DAB1: variants seen among roughly 807,000 people sequenced by gnomAD.
DAB1 encodes the protein DAB adaptor protein 1, also known as disabled homolog 1.
A neutral mutation model predicts 64.6 loss-of-function variants in DAB1; 15 were observed. That is an observed-to-expected ratio of 0.23 (90% CI 0.16 to 0.36). The LOEUF is 0.36. Ranked by LOEUF, DAB1 falls within the 10% of genes least tolerant of loss-of-function variation. The pLI is 1.00. For missense variants in DAB1, 596 were observed against 706.7 expected, an observed-to-expected ratio of 0.84 and a Z score of 1.78; for synonymous variants, 235 against 251.9, an observed-to-expected ratio of 0.93 and a Z score of 0.64.
intron 1 of DAB1, among the ~76,000 whole-genome samples, chr1:57,322,068 G>A (rs1436162430): frequency 6.6e-6 from 1 of 152,118 alleles, no homozygotes; most frequent in Non-Finnish European, 1.5e-5. Context: ...ATGTCCTGTG[G>A]AGCAGCACAG....
chr1:58,125,169 T>C (rs993155746), intron 5 of DAB1, among the ~76,000 whole-genome samples: 1 of 152,126 alleles, frequency 6.6e-6, no homozygotes, highest in East Asian at 1.9e-4. Flanking sequence ...GAAAATTCAA[T>C]GGTCTTGAAA....
At chr1:58,325,884 C>A (rs540846020) in intron 4 of DAB1, among the ~76,000 whole-genome samples, 6 of 151,962 alleles carry the variant, frequency 3.9e-5, no homozygotes, top group African/African-American at 1.5e-4. Context: ...TTTATTGATC[C>A]AAGTGGAAGT....
intron 7 of DAB1, among the ~76,000 whole-genome samples, chr1:57,547,771 C>T (rs1469619034): frequency 1.3e-5 from 2 of 152,098 alleles, no homozygotes; most frequent in Non-Finnish European, 2.9e-5. Flanking sequence ...TTATTTTGAA[C>T]AAATGCATCA....
At chr1:57,912,793 C>T (rs903815188) in intron 5 of DAB1, among the ~76,000 whole-genome samples, 7 of 152,232 alleles carry the variant, frequency 4.6e-5, no homozygotes, top group African/African-American at 7.2e-5. Context: ...TTCTTATACA[C>T]CAATAACAGA....
Position 58,138,887 on chromosome 1 carries a change from G to GA in DAB1, n.387+11623dup, listed in dbSNP as rs1654105814. On this transcript the variant is annotated intron_variant and non_coding_transcript_variant, in intron 5 of 20. Transcript: ENST00000485760. ...TGGATGAGTGAGAACTAAAAAAATT[G>GA]ATGAGTGGGTGAATAGGTAAATGGA... is the stretch of plus-strand genomic sequence containing the variant. Among the ~76,000 whole-genome samples the GA allele has an allele frequency of 2.0e-5, 3 of 152,158 alleles. No individual in the cohort carries two copies. The South Asian group carries it at 6.2e-4, about 32-fold the overall frequency.
chr1:57,041,991 G>T (rs1381098730), intron 9 of DAB1, among the ~76,000 whole-genome samples: 1 of 152,068 alleles, frequency 6.6e-6, no homozygotes, highest in African/African-American at 2.4e-5. Context: ...ACTCCACCAT[G>T]GTTCCTCTCA....
intron 5 of DAB1, among the ~76,000 whole-genome samples, chr1:57,987,266 C>T (rs1370304269): frequency 1.3e-5 from 2 of 152,170 alleles, no homozygotes; most frequent in Non-Finnish European, 2.9e-5. Flanking sequence ...CAATTCTTCC[C>T]AGCCACATAG....
At chr1:57,367,317 A>G (rs1680140339) in intron 1 of DAB1, among the ~76,000 whole-genome samples, 1 of 151,970 alleles carries the variant, frequency 6.6e-6, no homozygotes, top group Non-Finnish European at 1.5e-5. Context: ...ACTCTGAAAA[A>G]AGTAAGAGTT....
At chr1:57,844,590 C>A (rs1653195101) in intron 1 of DAB1, among the ~76,000 whole-genome samples, 1 of 152,188 alleles carries the variant, frequency 6.6e-6, no homozygotes, top group African/African-American at 2.4e-5. Flanking sequence ...TCACTTATCC[C>A]ATATTCCCAT....
intron 1 of DAB1, among the ~76,000 whole-genome samples, chr1:57,409,093 C>T (rs556200703): frequency 6.6e-6 from 1 of 152,310 alleles, no homozygotes; most frequent in African/African-American, 2.4e-5. Context: ...CTCTTCTATG[C>T]TTCCGGCAGC....
intron 4 of DAB1, among the ~76,000 whole-genome samples, chr1:58,331,706 TAAC>T (rs771526633): frequency 3.2e-4 from 49 of 152,218 alleles, no homozygotes; most frequent in Admixed American, 7.8e-4. Context: ...TAACAGTTCT[TAAC>T]AACAAGTATT....
intron 4 of DAB1, among the ~76,000 whole-genome samples, chr1:58,267,765 GA>G (rs1444919925): frequency 2.0e-5 from 3 of 152,140 alleles, no homozygotes; most frequent in Non-Finnish European, 4.4e-5. Flanking sequence ...ACCCAACGAT[GA>G]AATCATTCCT....
chr1:58,156,523 G>A (rs1361079809), intron 4 of DAB1, among the ~76,000 whole-genome samples: 2 of 152,176 alleles, frequency 1.3e-5, no homozygotes, highest in African/African-American at 4.8e-5. Flanking sequence ...AGTCCAGTGA[G>A]AAAGACAGAA....
chr1:57,508,758 C>A (rs1159940460), intron 7 of DAB1, among the ~76,000 whole-genome samples: 1 of 152,132 alleles, frequency 6.6e-6, no homozygotes, highest in Non-Finnish European at 1.5e-5. Context: ...AGCTTATGTC[C>A]TTGGCTAGAC....
chr1:57,958,086 G>C (rs1645434007), intron 5 of DAB1, among the ~76,000 whole-genome samples: 1 of 151,916 alleles, frequency 6.6e-6, no homozygotes, highest in Non-Finnish European at 1.5e-5. Context: ...CCAGGCTCAA[G>C]TGATTCTCCT....
intron 4 of DAB1, among the ~76,000 whole-genome samples, chr1:57,134,224 G>A (rs1008784812): frequency 5.2e-4 from 79 of 152,200 alleles, no homozygotes; most frequent in Middle Eastern, 3.4e-3. Flanking sequence ...CTATCAATTA[G>A]TCTTGGTTCC....
chr1:57,252,882 G>A (rs1269306048), intron 2 of DAB1, among the ~76,000 whole-genome samples: 2 of 152,214 alleles, frequency 1.3e-5, no homozygotes, highest in Non-Finnish European at 2.9e-5. Flanking sequence ...AGATTACAAA[G>A]CAGGAAAGTG....
At chr1:58,243,962 T>A (rs1453242095) in intron 4 of DAB1, among the ~76,000 whole-genome samples, 1 of 151,230 alleles carries the variant, frequency 6.6e-6, no homozygotes, top group Non-Finnish European at 1.5e-5. Flanking sequence ...ACAAGAAAAA[T>A]TTCATCATTT....
chr1:58,289,170 A>G (rs1569606158), intron 4 of DAB1, among the ~76,000 whole-genome samples: 5 of 152,246 alleles, frequency 3.3e-5, no homozygotes, highest in East Asian at 3.9e-4. Flanking sequence ...TCCAACTACC[A>G]GTTTCTACCT....
Sources: gnomAD v4.1 joint callset for allele counts (sites outside exome capture counted in the v4.1 genomes callset) on GRCh38, gnomAD v4.1.1 for gene constraint, MANE v1.5 for transcripts, NCBI Gene and HGNC (gene_info 2026-07-23, HGNC 2026-07-21) for gene names.